Variants in GCM2 observed in about 807,000 individuals in gnomAD.
GCM2 encodes the protein GCM transcription factor 2.
GCM2 carries 21 observed loss-of-function variants against 24.8 expected under a neutral mutation model. The observed-to-expected ratio is 0.85, with a 90% CI of 0.60 to 1.22. The LOEUF (loss-of-function observed/expected upper bound fraction) is 1.22. Ranked by LOEUF, GCM2 falls within the 50% of genes most tolerant of loss-of-function variation. The probability of loss-of-function intolerance (pLI) is 0.00; values close to 1 mark genes in which losing one functional copy is unlikely to be tolerated. For synonymous variants in GCM2, 222 were observed against 238.0 expected, an observed-to-expected ratio of 0.93 and a Z score of 0.62; for missense variants, 532 against 645.6, an observed-to-expected ratio of 0.82 and a Z score of 1.91.
intron 1 of GCM2, among the ~76,000 whole-genome samples, chr6:10,880,178 C>T (rs962904031): frequency 3.3e-5 from 5 of 152,112 alleles, no homozygotes; most frequent in Non-Finnish European, 7.4e-5. Context: ...TCGCTGGAGC[C>T]TGGGGGATGG....
rs1779837416 is a variant in GCM2, at chr6:10,873,877, A to ACCT, written c.*117_*118insAGG. 5.1e-6 allele frequency: 4 copies of ACCT among 786,146 alleles called. No individual in the cohort carries two copies. 48.7% of individuals were successfully genotyped at this position (786,146 alleles called of 1,614,324 possible). A position where few individuals can be genotyped will look rare whatever the true frequency, so the allele number is the denominator to read the frequency against. The stretch of plus-strand genomic sequence containing the variant: ...TCAGTTACTCAGAATTTTTACTACT[A>ACCT]TCTGTGTTTCTTTGCACACAAGGTG... On this transcript the variant is annotated 3_prime_UTR_variant, in exon 5 of 5. Transcript: ENST00000379491.
chr6:10,877,303 G>A lies in GCM2; in HGVS notation c.180C>T (p.His60=), dbSNP rs150244671. The part of the protein sequence containing the change: ...YSSDEKKAQR[H]LSGWAMRNTN... ...TGTTGCGCATGGCCCAGCCGCTCAG[G>A]TGACGCTGTGCCTTCTTCTCATCGC... The change falls in exon 2 of 5, where the codon CAC becomes CAT. Residue 60 remains histidine (H), a synonymous_variant. Coordinates refer to ENST00000379491, the MANE Select transcript of GCM2 (RefSeq NM_004752.4). The A allele has an allele frequency of 4.3e-5, 69 of 1,614,212 alleles. No homozygotes were observed. In the African/African-American group the frequency reaches 4.9e-4, roughly 12 times the overall value.
rs1043325960 is a variant in GCM2 at position 10,882,013 on chromosome 6, T to C, written c.-220A>G. 11 of 569,154 alleles carry C rather than the reference T, an allele frequency of 1.9e-5. 1 individual carries two copies. The highest frequency in any genetic ancestry group is 9.5e-4 in the Middle Eastern group (2 of 2,104). The allele number at this position is 569,154 out of a possible 1,614,324, so 35.3% of individuals were successfully genotyped here. A position where few individuals can be genotyped will look rare whatever the true frequency, so the allele number is the denominator to read the frequency against. The stretch of plus-strand genomic sequence containing the variant: ...GGGGCCTTGTCCTTGGCCGCGGTGC[T>C]GAACGTTCTCCACCCGAACGGCAGC... On this transcript the variant is annotated 5_prime_UTR_variant, in exon 1 of 5. Coordinates refer to ENST00000379491, the MANE Select transcript of GCM2 (RefSeq NM_004752.4).
At position 10,874,414 on chromosome 6, in the gene GCM2, A is replaced by T. The variant is rs558107136; in HGVS notation, c.1102T>A (p.Tyr368Asn). The stretch of plus-strand genomic sequence containing the variant: ...GCACCTGGTGGTGGAGTCGTGAGGT[A>T]CCTGCAGGGAAGCTCTGGGTTATAA... Reference protein sequence around the residue: ...PYYNPELPCRYLTTPPPGAPA... With the variant: ...PYYNPELPCRNLTTPPPGAPA... The change falls in exon 5 of 5, where the codon TAC (tyrosine) becomes AAC (asparagine). Residue 368 changes from tyrosine to asparagine, a missense_variant. Tyr to Asn is a moderately radical substitution (Grantham distance 143). Coordinates refer to ENST00000379491, the MANE Select transcript of GCM2 (RefSeq NM_004752.4). The T allele has an allele frequency of 3.2e-5, 52 of 1,614,000 alleles. 1 individual carries two copies. The South Asian group carries it at 4.9e-4, about 15-fold the overall frequency.
Position 10,881,596 on chromosome 6 carries a change from G to T in GCM2, c.90+108C>A, listed in dbSNP as rs113884697. 1.8e-3 allele frequency: 1,035 copies of T among 566,644 alleles called. 10 individuals are homozygous for T. Among genetic ancestry groups the T allele is most frequent in the South Asian group, 5.7e-3 (332 of 58,176 alleles). 35.1% of individuals were successfully genotyped at this position (566,644 alleles called of 1,614,324 possible). ...TGTGTGTGTGTGTGTGTGTGTGTGTGTGTGTGTGTGTATGGTCCGTCCGCA... is the reference window on the plus strand; with the variant it reads ...TGTGTGTGTGTGTGTGTGTGTGTGTTTGTGTGTGTGTATGGTCCGTCCGCA... On this transcript the variant is annotated intron_variant, in intron 1 of 4. Transcript: ENST00000379491.
chr6:10,878,616 C>G (rs1397720019), intron 1 of GCM2, among the ~76,000 whole-genome samples: 1 of 152,182 alleles, frequency 6.6e-6, no homozygotes, highest in African/African-American at 2.4e-5. Context: ...CCATGCCCGG[C>G]CACTGAGCAC....
Position 10,877,434 on chromosome 6 carries a change from C to G in GCM2, c.91-42G>C, listed in dbSNP as rs1779900088. The stretch of plus-strand genomic sequence containing the variant: ...GGAAGGGTGGTCAGTCTATCCAGTC[C>G]AAACTGCACACATCATGCTCTAAAA... On this transcript the variant is annotated intron_variant, in intron 1 of 4. Coordinates refer to ENST00000379491, the MANE Select transcript of GCM2 (RefSeq NM_004752.4). 3 of 1,608,140 alleles carry G rather than the reference C, an allele frequency of 1.9e-6. No individual in the cohort carries two copies. In the East Asian group the frequency reaches 6.7e-5, roughly 36 times the overall value.
At chr6:10,881,324 G>GA (rs1378174944) in intron 1 of GCM2, among the ~76,000 whole-genome samples, 1 of 151,982 alleles carries the variant, frequency 6.6e-6, no homozygotes, top group Non-Finnish European at 1.5e-5. Context: ...ACGCTGGGCT[G>GA]ATTTTGTATT....
chr6:10,879,674 C>T (rs1361065273), intron 1 of GCM2, among the ~76,000 whole-genome samples: 7 of 152,194 alleles, frequency 4.6e-5, no homozygotes, highest in Non-Finnish European at 1.0e-4. Flanking sequence ...TAAGTTTCTT[C>T]ACTTCTCCAT....
Position 10,877,228 on chromosome 6 carries a change from C to T in GCM2, c.255G>A (p.Val85=), listed in dbSNP as rs1223039847. ...GCAGGGTGCAGGCCTGTGTACACAC[C>T]ACCACACCCAGGCACGACTTCTTGA... The part of the protein sequence containing the change: ...HILKKSCLGV[V]VCTQACTLPD... The change falls in exon 2 of 5, where the codon GTG becomes GTA. Residue 85 remains valine, a synonymous_variant. Coordinates refer to ENST00000379491, the MANE Select transcript of GCM2 (RefSeq NM_004752.4). 1.9e-6 allele frequency: 3 copies of T among 1,614,192 alleles called. No homozygotes were observed. Among genetic ancestry groups the T allele is most frequent in the Admixed American group, 1.7e-5 (1 of 60,026 alleles).
rs1779895542 is a variant in GCM2 at position 10,877,219 on chromosome 6, T to C, written c.264A>G (p.Thr88=). ...KKSCLGVVVC[T]QACTLPDGSR... is the part of the protein sequence containing the mutation. ...AACCGTCGGGCAGGGTGCAGGCCTG[T>C]GTACACACCACCACACCCAGGCACG... The change falls in exon 2 of 5, where the codon ACA becomes ACG. Residue 88 remains threonine, a synonymous_variant. Coordinates refer to ENST00000379491, the MANE Select transcript of GCM2 (RefSeq NM_004752.4). 4.3e-6 allele frequency: 7 copies of C among 1,614,182 alleles called. No homozygotes were observed. The highest frequency in any genetic ancestry group is 2.2e-5 in the East Asian group (1 of 44,884).
chr6:10,877,409 G>A lies in GCM2; in HGVS notation c.91-17C>T, dbSNP rs574648714. On this transcript the variant is annotated splice_polypyrimidine_tract_variant and intron_variant, in intron 1 of 4. Coordinates refer to ENST00000379491, the MANE Select transcript of GCM2 (RefSeq NM_004752.4). ...GGCCAGCTCCTGGAAGAGTGCAGAA[G>A]GAAGGGTGGTCAGTCTATCCAGTCC... 25 of 1,614,012 alleles carry A rather than the reference G, an allele frequency of 1.5e-5. No individual in the cohort carries two copies. In the South Asian group the frequency reaches 2.6e-4, roughly 17 times the overall value.
chr6:10,874,269 T>C lies in GCM2; in HGVS notation c.1247A>G (p.Tyr416Cys), dbSNP rs771107707. The C allele has an allele frequency of 3.1e-5, 50 of 1,614,120 alleles. No homozygotes were observed. The highest frequency in any genetic ancestry group is 4.1e-5 in the Non-Finnish European group (48 of 1,180,048). The change falls in exon 5 of 5, where the codon TAT (tyrosine) becomes TGT (cysteine). Residue 416 changes from tyrosine (Y) to cysteine (C), a missense_variant. Tyr to Cys is a radical substitution (Grantham distance 194, BLOSUM62 -2). Coordinates refer to ENST00000379491, the MANE Select transcript of GCM2 (RefSeq NM_004752.4). ...REVKSLSSCNYAPEDTGMSVY... is the reference protein window; with the variant it reads ...REVKSLSSCNCAPEDTGMSVY... Reference sequence around the variant, plus strand: ...AGACATCCCAGTATCTTCAGGAGCATAGTTACAGCTCGAAAGGCTCTTCAC... The same window carrying C: ...AGACATCCCAGTATCTTCAGGAGCACAGTTACAGCTCGAAAGGCTCTTCAC...
At position 10,873,381 on chromosome 6, in the gene GCM2, A is replaced by T; in HGVS notation, c.*614T>A. On this transcript the variant is annotated 3_prime_UTR_variant, in exon 5 of 5. Transcript: ENST00000379491. ...GAAAAGGTTATGAAAAGGTTAGGAA[A>T]CTATCATGTTATGAAAAGCTAATAT... 6.4e-6 allele frequency: 1 copy of T among 156,194 alleles called. No individual in the cohort carries two copies. Among genetic ancestry groups the T allele is most frequent in the Admixed American group, 6.2e-5 (1 of 16,156 alleles). The allele number at this position is 156,194 out of a possible 1,614,324, so 9.7% of individuals were successfully genotyped here. A position where few individuals can be genotyped will look rare whatever the true frequency, so the allele number is the denominator to read the frequency against.
intron 2 of GCM2, 50 bp downstream of exon 2, chr6:10,877,089 CA>C: frequency 6.3e-7 from 1 of 1,599,814 alleles, no homozygotes; most frequent in South Asian, 1.1e-5. Flanking sequence ...ACAACAACAA[CA>C]AAAAACTCAT....
At chr6:10,877,491 TC>T in intron 1 of GCM2, 99 bp from the exon 2 acceptor site, 1 of 1,278,220 alleles carries the variant, frequency 7.8e-7, no homozygotes, top group Admixed American at 1.9e-5. Flanking sequence ...ACAAACCAGT[TC>T]TTTTTAAATC....
rs1439843797 is a variant in GCM2, at chr6:10,873,988, T to C, written c.*7A>G. 14 of 1,607,674 alleles carry C rather than the reference T, an allele frequency of 8.7e-6. No homozygotes were observed. Among genetic ancestry groups the C allele is most frequent in the African/African-American group, 1.3e-5 (1 of 74,834 alleles). Reference sequence around the variant, plus strand: ...GCACACTGCTATTATGTCCCCTGGATTGTCTTTCAAAAATCCTCATTGTTG... The same window carrying C: ...GCACACTGCTATTATGTCCCCTGGACTGTCTTTCAAAAATCCTCATTGTTG... On this transcript the variant is annotated 3_prime_UTR_variant, in exon 5 of 5. Transcript: ENST00000379491.
At chr6:10,876,608 A>G in intron 2 of GCM2, 51 bp from the exon 3 acceptor site, 1 of 1,224,606 alleles carries the variant, frequency 8.2e-7, no homozygotes, top group Non-Finnish European at 1.2e-6. Flanking sequence ...GACCCTTCTG[A>G]AGGAAGAAGG....
chr6:10,876,552 C>G lies in GCM2; in HGVS notation c.349G>C (p.Ala117Pro), dbSNP rs756803427. The G allele has an allele frequency of 1.9e-6, 3 of 1,602,386 alleles. No individual in the cohort carries two copies. Among genetic ancestry groups the G allele is most frequent in the Non-Finnish European group, 2.6e-6 (3 of 1,169,322 alleles). The change falls in exon 3 of 5, where the codon GCA becomes CCA. Residue 117 changes from alanine to proline, a missense_variant. Physicochemically the swap from Ala to Pro is conservative, Grantham distance 27 (BLOSUM62 -1). Coordinates refer to ENST00000379491, the MANE Select transcript of GCM2 (RefSeq NM_004752.4). ...DKARLKQQKK[A>P]CPNCHSALEL... ...AAAGCAGAATGACAGTTAGGGCATG[C>G]CTTCTCTGCAAAGCCCAGAAGGGAG...
Sources: gnomAD v4.1 joint callset for allele counts (sites outside exome capture counted in the v4.1 genomes callset) on GRCh38, gnomAD v4.1.1 for gene constraint, MANE v1.5 for transcripts, NCBI Gene and HGNC (gene_info 2026-07-23, HGNC 2026-07-21) for gene names.